SCN9A: variants seen among roughly 807,000 people sequenced by gnomAD.
SCN9A encodes sodium voltage-gated channel alpha subunit 9.
Under a neutral mutation model 187.0 loss-of-function variants are expected in SCN9A, and 131 were observed. The observed-to-expected ratio is 0.70, with a 90% CI of 0.61 to 0.81. The LOEUF (loss-of-function observed/expected upper bound fraction) is 0.81. Among genes scored for constraint, SCN9A ranks in the 30% least tolerant of loss-of-function variants. The probability of loss-of-function intolerance (pLI) is 0.00; values close to 1 mark genes in which losing one functional copy is unlikely to be tolerated. For missense variants in SCN9A, 2,252 were observed against 2,396.6 expected (o/e 0.94, Z 1.26); for synonymous variants, 809 against 808.6 (o/e 1.00, Z -0.01).
intron 12 of SCN9A, among the ~76,000 whole-genome samples, chr2:166,282,196 G>A (rs1452999840): frequency 1.3e-5 from 2 of 152,168 alleles, no homozygotes; most frequent in Non-Finnish European, 2.9e-5. Context: ...TGAAAGTGCT[G>A]TAGTGCTGTG....
chr2:166,279,433 G>A (rs1242605018), intron 14 of SCN9A, among the ~76,000 whole-genome samples: 1 of 152,136 alleles, frequency 6.6e-6, no homozygotes, highest in Non-Finnish European at 1.5e-5. Context: ...CCCTAAAAAT[G>A]AACTGGTGCC....
At position 166,367,294 on chromosome 2, in the gene SCN9A, G is replaced by A. The variant is rs149440243; in HGVS notation, c.-51+8403C>T. ...ATTTTTTTTCTTGAGACTGAGTCTC[G>A]CTCTGTTGCCCAGGCAGGAGTGCAG... On this transcript the variant is annotated intron_variant, in intron 1 of 26. Transcript: ENST00000642356. Among the ~76,000 whole-genome samples the A allele has an allele frequency of 4.2e-3, 631 of 151,808 alleles. 1 individual carries two copies. The highest frequency in any genetic ancestry group is 0.013 in the African/African-American group (523 of 41,406).
intron 2 of SCN9A, 95 bp from the exon 3 acceptor site, chr2:166,307,169 T>C: frequency 1.5e-6 from 1 of 676,078 alleles, no homozygotes; most frequent in Non-Finnish European, 2.6e-6. Context: ...GGCAGTGTTA[T>C]ATTGAAGAAA....
At chr2:166,274,775 A>G (rs1008150365) in intron 16 of SCN9A, among the ~76,000 whole-genome samples, 3 of 152,196 alleles carry the variant, frequency 2.0e-5, no homozygotes, top group African/African-American at 7.2e-5. Context: ...CTATAAATCT[A>G]TATTGCCTTT....
chr2:166,325,252 A>C (rs568476272), intron 1 of SCN9A, among the ~76,000 whole-genome samples: 5 of 152,240 alleles, frequency 3.3e-5, no homozygotes, highest in Admixed American at 3.3e-4. Flanking sequence ...TACCTAAGTG[A>C]TAATAGACAT....
intron 2 of SCN9A, 78 bp from the exon 3 acceptor site, chr2:166,307,152 T>C (rs1698789374): frequency 1.2e-6 from 1 of 816,330 alleles, no homozygotes; most frequent in Admixed American, 2.1e-5. Flanking sequence ...AGTTTACCTT[T>C]CTACATGGCA....
chr2:166,247,157 C>CAAAAAAAAAAAAA (rs35833662), intron 18 of SCN9A, among the ~76,000 whole-genome samples: 1 of 41,832 alleles, frequency 2.4e-5, no homozygotes, highest in African/African-American at 1.1e-4. Context: ...CCAAAGCTCT[C>CAAAAAAAAAAAAA]AAAAAAAAAA....
intron 17 of SCN9A, among the ~76,000 whole-genome samples, chr2:166,255,430 T>G (rs1696224039): frequency 6.6e-6 from 1 of 151,514 alleles, no homozygotes; most frequent in African/African-American, 2.4e-5. Context: ...TTTCCTAAGA[T>G]AAACATTAAC....
At chr2:166,369,007 C>T (rs560405294) in intron 1 of SCN9A, among the ~76,000 whole-genome samples, 11 of 151,388 alleles carry the variant, frequency 7.3e-5, no homozygotes, top group African/African-American at 2.4e-5. Context: ...AAAAAGAATG[C>T]ATTTTGATTA....
chr2:166,371,511 C>T lies in SCN9A; in HGVS notation c.-51+4186G>A, dbSNP rs117600380. Among the ~76,000 whole-genome samples, 6 of 152,234 alleles carry T rather than the reference C, an allele frequency of 3.9e-5. No individual in the cohort carries two copies. The East Asian group carries it at 1.2e-3, about 29-fold the overall frequency. On this transcript the variant is annotated intron_variant, in intron 1 of 26. Coordinates refer to ENST00000642356, the MANE Select transcript of SCN9A (RefSeq NM_001365536.1). ...AAGGCAGAGGAAAGGGTAAGTGATA[C>T]CTTCAATGAAGAAATTTCATTTTTT...
At chr2:166,250,546 C>G (rs1695989863) in intron 18 of SCN9A, among the ~76,000 whole-genome samples, 1 of 152,014 alleles carries the variant, frequency 6.6e-6, no homozygotes, top group Non-Finnish European at 1.5e-5. Context: ...TTATCAGGCT[C>G]CAAAGTTTGA....
Position 166,305,893 on chromosome 2 carries a change from A to C in SCN9A, c.495T>G (p.Phe165Leu), listed in dbSNP as rs1270540324. 6.2e-7 allele frequency: 1 copy of C among 1,613,248 alleles called. No individual in the cohort carries two copies. Among genetic ancestry groups the C allele is most frequent in the African/African-American group, 1.3e-5 (1 of 74,928 alleles). Residue 165 changes from phenylalanine (F) to leucine (L), a missense_variant, in exon 5 of 27, where the codon TTT (phenylalanine) becomes TTG (leucine). Coordinates refer to ENST00000642356, the MANE Select transcript of SCN9A (RefSeq NM_001365536.1). The stretch of plus-strand genomic sequence containing the variant: ...TTGCAAGGATTTTTACAAGTGATTC[A>C]AAAGTATATATTCCAGTAAAAGTGT... ...VEYTFTGIYTFESLVKILARG... is the reference protein window; with the variant it reads ...VEYTFTGIYTLESLVKILARG...
At chr2:166,375,132 C>T (rs184471275) in intron 1 of SCN9A, among the ~76,000 whole-genome samples, 3 of 152,126 alleles carry the variant, frequency 2.0e-5, no homozygotes, top group South Asian at 2.1e-4. Context: ...AGTGCTTATT[C>T]GAAAAAATAA....
intron 1 of SCN9A, among the ~76,000 whole-genome samples, chr2:166,346,750 A>G (rs1699910864): frequency 6.6e-6 from 1 of 152,192 alleles, no homozygotes; most frequent in South Asian, 2.1e-4. Flanking sequence ...TTCTCTCTAA[A>G]GCGTGGGTTC....
At chr2:166,264,426 G>C (rs1416627541) in intron 17 of SCN9A, among the ~76,000 whole-genome samples, 1 of 151,874 alleles carries the variant, frequency 6.6e-6, no homozygotes, top group East Asian at 1.9e-4. Flanking sequence ...TATTCTCATG[G>C]GTACCTTTGA....
At chr2:166,280,800 G>C (rs1264478654) in intron 13 of SCN9A, among the ~76,000 whole-genome samples, 1 of 152,206 alleles carries the variant, frequency 6.6e-6, no homozygotes, top group African/African-American at 2.4e-5. Flanking sequence ...ATAAGAGAGG[G>C]TAAGGAAGTG....
rs185874593 is a variant in SCN9A at position 166,339,564 on chromosome 2, T to C, written c.-50-27758A>G. On this transcript the variant is annotated intron_variant, in intron 1 of 26. Coordinates refer to ENST00000642356, the MANE Select transcript of SCN9A (RefSeq NM_001365536.1). ...GACTCCCTCTGTTAACTATAATGAA[T>C]TTAGGAAGGTGGGTGAGAAGGTGTT... is the stretch of plus-strand genomic sequence containing the variant. Among the ~76,000 whole-genome samples the C allele has an allele frequency of 5.3e-4, 80 of 152,180 alleles. 1 individual carries two copies. The highest frequency in any genetic ancestry group is 1.8e-3 in the African/African-American group (74 of 41,536).
In SCN9A at chr2:166,195,769, T is replaced by G. The variant is rs996879867; in HGVS notation, c.*2903A>C. The G allele has an allele frequency of 2.0e-5, 3 of 152,196 alleles. No homozygotes were observed. Among genetic ancestry groups the G allele is most frequent in the African/African-American group, 7.2e-5 (3 of 41,450 alleles). The allele number at this position is 152,196 out of a possible 1,614,324, so 9.4% of individuals were successfully genotyped here. A position where few individuals can be genotyped will look rare whatever the true frequency, so the allele number is the denominator to read the frequency against. On this transcript the variant is annotated 3_prime_UTR_variant, in exon 27 of 27. Coordinates refer to ENST00000642356, the MANE Select transcript of SCN9A (RefSeq NM_001365536.1). Reference sequence around the variant, plus strand: ...CGAAAGATTTGTGTTCAAACCTGTTTGGGGCATGGTGGCTCATGCCTGTAA... The same window carrying G: ...CGAAAGATTTGTGTTCAAACCTGTTGGGGGCATGGTGGCTCATGCCTGTAA...
chr2:166,307,626 G>C (rs948996592), intron 2 of SCN9A, among the ~76,000 whole-genome samples: 1 of 152,120 alleles, frequency 6.6e-6, no homozygotes, highest in Non-Finnish European at 1.5e-5. Flanking sequence ...CTTTATTTTA[G>C]TTATAATACT....
Sources: gnomAD v4.1 joint callset for allele counts (sites outside exome capture counted in the v4.1 genomes callset) on GRCh38, gnomAD v4.1.1 for gene constraint, MANE v1.5 for transcripts, NCBI Gene and HGNC (gene_info 2026-07-23, HGNC 2026-07-21) for gene names.